COL4A1: variants seen among roughly 807,000 people sequenced by gnomAD.
The protein encoded by COL4A1 is collagen alpha-1(IV) chain.
COL4A1 carries 40 observed loss-of-function variants against 216.6 expected under a neutral mutation model. The ratio of observed to expected loss-of-function variants is 0.18; its 90% CI spans 0.14 to 0.24. The LOEUF (loss-of-function observed/expected upper bound fraction) is 0.24, where lower values mean the gene tolerates loss of function less well. Ranked by LOEUF, COL4A1 falls within the 10% of genes least tolerant of loss-of-function variation. COL4A1 has a pLI of 1.00. For synonymous variants in COL4A1, 839 were observed against 810.7 expected (o/e 1.03, Z -0.59); for missense variants, 1,628 against 2,196.8 (o/e 0.74, Z 5.18).
chr13:110,287,117 C>A (rs1339987637), intron 1 of COL4A1, among the ~76,000 whole-genome samples: 1 of 152,182 alleles, frequency 6.6e-6, no homozygotes, highest in Non-Finnish European at 1.5e-5. Context: ...CCGGGCACCC[C>A]AGGTGTAGAC....
chr13:110,177,156 C>G, intron 33 of COL4A1, 119 bp from the exon 34 acceptor site: 6 of 1,529,044 alleles, frequency 3.9e-6, no homozygotes, highest in South Asian at 1.2e-5. Context: ...GCACTCATAA[C>G]TTGTCCAAAA....
chr13:110,292,549 T>A (rs1884128131), intron 1 of COL4A1, among the ~76,000 whole-genome samples: 1 of 152,194 alleles, frequency 6.6e-6, no homozygotes, highest in Admixed American at 6.5e-5. Context: ...AACTGACAGT[T>A]CTACATAGCT....
chr13:110,275,479 C>G (rs1299706501), intron 1 of COL4A1, among the ~76,000 whole-genome samples: 1 of 152,164 alleles, frequency 6.6e-6, no homozygotes, highest in Admixed American at 6.5e-5. Context: ...TGCAGCCACT[C>G]GGGAAGGCAG....
At chr13:110,292,418 A>G (rs1381386954) in intron 1 of COL4A1, among the ~76,000 whole-genome samples, 2 of 152,186 alleles carry the variant, frequency 1.3e-5, no homozygotes. Context: ...CTTGACTCTC[A>G]ACTTTTCATA....
Position 110,164,895 on chromosome 13 carries a change from G to T in COL4A1, c.4117C>A (p.Leu1373Ile). The T allele has an allele frequency of 6.2e-7, 1 of 1,610,158 alleles. No individual in the cohort carries two copies. Among genetic ancestry groups the T allele is most frequent in the Non-Finnish European group, 8.5e-7 (1 of 1,178,296 alleles). ...GPEGPPGLKG[L>I]QGLPGPKGQQ... ...CCTTTCGGGCCTGGCAGTCCCTGAA[G>T]CCCTTTCAGCCCTGGGGGGCCCTCA... Residue 1373 changes from leucine to isoleucine, a missense_variant, in exon 46 of 52, where the codon CTT becomes ATT. Physicochemically the swap from Leu to Ile is conservative, Grantham distance 5 (BLOSUM62 2). Transcript: ENST00000375820.
chr13:110,199,620 G>A (rs890515001), intron 20 of COL4A1, among the ~76,000 whole-genome samples: 7 of 152,232 alleles, frequency 4.6e-5, no homozygotes, highest in East Asian at 3.9e-4. Flanking sequence ...TGAGGAGGAC[G>A]GTCAGGGAGC....
Position 110,186,602 on chromosome 13 carries a change from C to T in COL4A1, c.1729-49G>A, listed in dbSNP as rs1375454770. The stretch of plus-strand genomic sequence containing the variant: ...CACCGTTATCAGAGACACACCAACA[C>T]CCTGTCCTTATCGCATTCTTCTGAC... On this transcript the variant is annotated intron_variant, in intron 25 of 51. Transcript: ENST00000375820. The T allele has an allele frequency of 1.6e-5, 25 of 1,605,748 alleles. No homozygotes were observed. The African/African-American group carries it at 2.0e-4, about 13-fold the overall frequency.
chr13:110,195,955 C>A (rs920779982), intron 21 of COL4A1, among the ~76,000 whole-genome samples: 1 of 152,184 alleles, frequency 6.6e-6, no homozygotes, highest in African/African-American at 2.4e-5. Context: ...CCCTGAGTCC[C>A]AGACTATAGA....
intron 1 of COL4A1, among the ~76,000 whole-genome samples, chr13:110,305,260 C>T (rs555796308): frequency 6.6e-6 from 1 of 152,052 alleles, no homozygotes; most frequent in Non-Finnish European, 1.5e-5. Context: ...AGACAGTGGC[C>T]GGGAATGTAA....
intron 1 of COL4A1, among the ~76,000 whole-genome samples, chr13:110,290,732 G>C (rs1480672634): frequency 6.6e-6 from 1 of 150,750 alleles, no homozygotes; most frequent in Non-Finnish European, 1.5e-5. Flanking sequence ...TTGGGTGCAC[G>C]AGAGCAAGTG....
At position 110,172,701 on chromosome 13, in the gene COL4A1, C is replaced by T; in HGVS notation, c.3556+19G>A. The T allele has an allele frequency of 6.2e-7, 1 of 1,612,352 alleles. No homozygotes were observed. Among genetic ancestry groups the T allele is most frequent in the South Asian group, 1.1e-5 (1 of 91,038 alleles). ...GCAGCGGTTGGTTGAAAAGGAAGAG[C>T]ACAGTGAGCAAAGATTACCTTTGTC... On this transcript the variant is annotated intron_variant, in intron 41 of 51. Transcript: ENST00000375820.
chr13:110,220,066 T>G (rs963458216), intron 2 of COL4A1, among the ~76,000 whole-genome samples: 25 of 143,566 alleles, frequency 1.7e-4, no homozygotes, highest in Non-Finnish European at 7.8e-5. Flanking sequence ...GCCTCCGCAG[T>G]AGCTGGGATT....
rs116678734 is a variant in COL4A1 at position 110,304,308 on chromosome 13, C to T, written c.84+2636G>A. Among the ~76,000 whole-genome samples, 811 of 152,306 alleles carry T rather than the reference C, an allele frequency of 5.3e-3. 2 individuals are homozygous for T. The highest frequency in any genetic ancestry group is 0.018 in the African/African-American group (756 of 41,568). ...GTCCATACTTATATGGGAATGAAAT[C>T]TCACTTAGTTTGAACTCTAGGTCAT... On this transcript the variant is annotated intron_variant, in intron 1 of 51. Coordinates refer to ENST00000375820, the MANE Select transcript of COL4A1 (RefSeq NM_001845.6).
At chr13:110,205,146 T>C (rs1442808632) in intron 17 of COL4A1, among the ~76,000 whole-genome samples, 2 of 152,196 alleles carry the variant, frequency 1.3e-5, no homozygotes, top group Non-Finnish European at 2.9e-5. Context: ...GATATAAAAA[T>C]TTGAATGAAT....
intron 1 of COL4A1, among the ~76,000 whole-genome samples, chr13:110,252,463 TATAATTATATGTATTATATATAC>T (rs1882125619): frequency 8.9e-5 from 4 of 45,116 alleles, no homozygotes; most frequent in African/African-American, 3.4e-4. Context: ...ATTATATACA[TATAATTATATGTATTATATATAC>T]GTATAATTAT....
chr13:110,175,090 T>A, intron 37 of COL4A1, 128 bp downstream of exon 37: 1 of 1,200,312 alleles, frequency 8.3e-7, no homozygotes, highest in Admixed American at 1.8e-5. Context: ...AGGCGACTTG[T>A]GCTGCCTTAT....
intron 2 of COL4A1, among the ~76,000 whole-genome samples, chr13:110,229,611 TG>T (rs1284016933): frequency 6.6e-6 from 1 of 152,130 alleles, no homozygotes; most frequent in African/African-American, 2.4e-5. Flanking sequence ...GGTGGGGCCT[TG>T]GGAAGTGATG....
At chr13:110,278,621 C>T (rs1883511223) in intron 1 of COL4A1, among the ~76,000 whole-genome samples, 4 of 152,258 alleles carry the variant, frequency 2.6e-5, no homozygotes, top group Admixed American at 2.6e-4. Flanking sequence ...AAAGGCTTTC[C>T]TCCCCAAGGA....
chr13:110,195,043 A>G lies in COL4A1; in HGVS notation c.1361T>C (p.Ile454Thr), dbSNP rs369741658. The change falls in exon 22 of 52, where the codon ATA (isoleucine) becomes ACA (threonine). Residue 454 changes from isoleucine (I) to threonine (T), a missense_variant. By Grantham distance (89) the Ile-to-Thr change is moderately conservative. This residue lies in a region of COL4A1 where 701 missense variants were observed against 892.5 expected (regional missense o/e 0.79). Coordinates refer to ENST00000375820, the MANE Select transcript of COL4A1 (RefSeq NM_001845.6). The part of the protein sequence containing the change: ...PPGIPGQPGF[I>T]GEIGEKGQKG... ...CTTACCTTTCTCTCCAATTTCGCCT[A>G]TAAATCCTGGCTGCCCTGGAATTCC... 5 of 1,614,062 alleles carry G rather than the reference A, an allele frequency of 3.1e-6. No individual in the cohort carries two copies. In the African/African-American group the frequency reaches 4.0e-5, roughly 13 times the overall value.
Sources: allele counts gnomAD v4.1 joint callset (sites outside exome capture counted in the v4.1 genomes callset), GRCh38; gene constraint gnomAD v4.1.1; regional missense constraint gnomAD v4.1.1; transcripts MANE v1.5; gene names NCBI Gene and HGNC (gene_info 2026-07-23, HGNC 2026-07-21).